Variants in TCF4 observed in about 807,000 individuals in gnomAD.
The protein encoded by TCF4 is SL3-3 enhancer factor 2.
Under a neutral mutation model 82.1 loss-of-function variants are expected in TCF4, and 3 were observed. The ratio of observed to expected loss-of-function variants is 0.04; its 90% CI spans 0.02 to 0.09. The LOEUF (loss-of-function observed/expected upper bound fraction) is 0.09. Among genes scored for constraint, TCF4 ranks in the 10% least tolerant of loss-of-function variants. TCF4 has a pLI of 1.00. For synonymous variants in TCF4, 276 were observed against 309.6 expected (o/e 0.89, Z 1.14); for missense variants, 518 against 852.7 (o/e 0.61, Z 4.89).
intron 3 of TCF4, chr18:55,469,512 A>T (rs2096125781): frequency 6.6e-6 from 1 of 152,210 alleles, no homozygotes; most frequent in Non-Finnish European, 1.5e-5. Flanking sequence ...CCAAAACACA[A>T]CAGTTTGGGC....
intron 3 of TCF4, among the ~76,000 whole-genome samples, chr18:55,566,537 C>T (rs971401245): frequency 4.6e-5 from 7 of 151,810 alleles, no homozygotes; most frequent in African/African-American, 1.7e-4. Context: ...AATTAGTAGG[C>T]ATAATTTAGA....
Position 55,227,804 on chromosome 18 carries a change from A to G in TCF4, c.*231T>C, listed in dbSNP as rs1484133354. The G allele has an allele frequency of 4.2e-6, 1 of 239,038 alleles. No homozygotes were observed. Among genetic ancestry groups the G allele is most frequent in the Non-Finnish European group, 8.2e-6 (1 of 121,398 alleles). 14.8% of individuals were successfully genotyped at this position (239,038 alleles called of 1,614,324 possible). On this transcript the variant is annotated 3_prime_UTR_variant, in exon 20 of 20. Coordinates refer to ENST00000354452, the MANE Select transcript of TCF4 (RefSeq NM_001083962.2). ...CTTTGCACATTCTGAATGATATGTTAAAGAAAGTCGTCCCTCAAGTTGCAC... is the reference window on the plus strand; with the variant it reads ...CTTTGCACATTCTGAATGATATGTTGAAGAAAGTCGTCCCTCAAGTTGCAC...
chr18:55,590,263 C>G (rs938635709), upstream of TCF4, among the ~76,000 whole-genome samples: 1 of 152,208 alleles, frequency 6.6e-6, no homozygotes, highest in African/African-American at 2.4e-5. Flanking sequence ...GATTTCTCAG[C>G]GAGCCTTGGG....
At chr18:55,592,226 A>G (rs905872423), upstream of TCF4, among the ~76,000 whole-genome samples, 4 of 152,170 alleles carry the variant, frequency 2.6e-5, no homozygotes, top group Non-Finnish European at 5.9e-5. Flanking sequence ...AAATCCTCAT[A>G]TAGAAGTATG....
chr18:55,374,598 C>G (rs913624174), intron 6 of TCF4, among the ~76,000 whole-genome samples: 2 of 151,922 alleles, frequency 1.3e-5, no homozygotes, highest in Non-Finnish European at 2.9e-5. Flanking sequence ...AGTAAAAAAT[C>G]CAGTTCTGAA....
chr18:55,430,900 T>C (rs1415574116), intron 5 of TCF4, among the ~76,000 whole-genome samples: 1 of 152,056 alleles, frequency 6.6e-6, no homozygotes, highest in Non-Finnish European at 1.5e-5. Context: ...CCCAGGAGAT[T>C]TGAAGTAAGT....
intron 3 of TCF4, among the ~76,000 whole-genome samples, chr18:55,478,730 C>T (rs1603528137): frequency 6.6e-6 from 1 of 151,684 alleles, no homozygotes. Flanking sequence ...CCCCACTTCC[C>T]CCAGCTTTTT....
At chr18:55,399,184 A>C (rs1370068925) in intron 6 of TCF4, among the ~76,000 whole-genome samples, 2 of 152,242 alleles carry the variant, frequency 1.3e-5, no homozygotes, top group Non-Finnish European at 2.9e-5. Context: ...TACCTATTGA[A>C]TCAAAAGTAA....
chr18:55,546,683 A>C (rs1020728908), intron 3 of TCF4: 13 of 152,262 alleles, frequency 8.5e-5, no homozygotes, highest in African/African-American at 3.1e-4. Flanking sequence ...CCAGATGCAC[A>C]GCATGTTCCT....
At chr18:55,486,993 C>T (rs927135691) in intron 3 of TCF4, among the ~76,000 whole-genome samples, 4 of 152,232 alleles carry the variant, frequency 2.6e-5, no homozygotes, top group Admixed American at 2.0e-4. Flanking sequence ...CTATGAGCCA[C>T]TGACAACTGT....
At chr18:55,229,333 G>T in intron 17 of TCF4, 1 of 519,404 alleles carries the variant, frequency 1.9e-6, no homozygotes, top group Non-Finnish European at 3.5e-6. Flanking sequence ...AAGTTAGAGT[G>T]CAGGGTGTGC....
At chr18:55,317,619 T>C (rs2147364730) in intron 8 of TCF4, among the ~76,000 whole-genome samples, 1 of 152,164 alleles carries the variant, frequency 6.6e-6, no homozygotes, top group South Asian at 2.1e-4. Context: ...ATCTTAGCAC[T>C]TCCTGTGATA....
At chr18:55,322,277 T>C in intron 8 of TCF4, 7 of 1,052,394 alleles carry the variant, frequency 6.7e-6, no homozygotes, top group Non-Finnish European at 8.0e-6. Context: ...TTTGTTTTAA[T>C]TTGATTAAAA....
chr18:55,297,641 A>G (rs9955026), intron 8 of TCF4, among the ~76,000 whole-genome samples: 34,318 of 152,088 alleles, frequency 0.23, 4,305 homozygotes, highest in East Asian at 0.32. Flanking sequence ...TCTTTCCTCA[A>G]TTTATAACTG....
At chr18:55,403,380 C>A in intron 6 of TCF4, 74 bp downstream of exon 6, 1 of 1,545,134 alleles carries the variant, frequency 6.5e-7, no homozygotes, top group Non-Finnish European at 8.9e-7. Context: ...TAAAATGCAT[C>A]ATCTAATTTA....
intron 3 of TCF4, among the ~76,000 whole-genome samples, chr18:55,552,135 T>C (rs1162170904): frequency 2.0e-5 from 3 of 152,168 alleles, no homozygotes; most frequent in Non-Finnish European, 2.9e-5. Flanking sequence ...CCATCTAGGA[T>C]TGCTTTTGGT....
chr18:55,342,801 G>C (rs2080286172), intron 8 of TCF4, among the ~76,000 whole-genome samples: 1 of 152,114 alleles, frequency 6.6e-6, no homozygotes, highest in Admixed American at 6.6e-5. Flanking sequence ...TAATGTACCT[G>C]AGCACCTGTG....
intron 8 of TCF4, chr18:55,321,716 G>C: frequency 6.5e-7 from 1 of 1,536,094 alleles, no homozygotes; most frequent in Non-Finnish European, 8.7e-7. Flanking sequence ...GCCCATGCCC[G>C]GGATTGTGTA....
At chr18:55,292,017 A>G (rs987184318) in intron 8 of TCF4, among the ~76,000 whole-genome samples, 9 of 152,228 alleles carry the variant, frequency 5.9e-5, no homozygotes, top group African/African-American at 1.9e-4. Flanking sequence ...TGAATTAAGA[A>G]GGGCAATAAT....
Sources: allele counts gnomAD v4.1 joint callset (sites outside exome capture counted in the v4.1 genomes callset), GRCh38; gene constraint gnomAD v4.1.1; transcripts MANE v1.5; gene names NCBI Gene and HGNC (gene_info 2026-07-23, HGNC 2026-07-21).